Variants in TMEM163 observed in about 807,000 individuals in gnomAD.
TMEM163 encodes transmembrane protein 163.
A neutral mutation model predicts 29.3 loss-of-function variants in TMEM163; 17 were observed. The ratio of observed to expected loss-of-function variants is 0.58; its 90% CI spans 0.40 to 0.87. The LOEUF (loss-of-function observed/expected upper bound fraction) is 0.87. Ranked by LOEUF, TMEM163 falls within the 40% of genes least tolerant of loss-of-function variation. The pLI is 0.00. For synonymous variants in TMEM163, 157 were observed against 160.6 expected (o/e 0.98, Z 0.17); for missense variants, 303 against 381.5 (o/e 0.79, Z 1.71).
At chr2:134,688,226 G>C (rs1196311966) in intron 2 of TMEM163, among the ~76,000 whole-genome samples, 3 of 152,058 alleles carry the variant, frequency 2.0e-5, no homozygotes, top group African/African-American at 7.2e-5. Flanking sequence ...ATGTGCCTCG[G>C]CCCGAGCTGC....
intron 2 of TMEM163, among the ~76,000 whole-genome samples, chr2:134,656,222 C>T (rs565347633): frequency 1.1e-4 from 17 of 149,258 alleles, no homozygotes; most frequent in African/African-American, 3.1e-4. Context: ...TAGGACCCTC[C>T]GAGCCAGGTG....
At chr2:134,457,364 TC>T (rs2106470585) in intron 7 of TMEM163, among the ~76,000 whole-genome samples, 1 of 152,310 alleles carries the variant, frequency 6.6e-6, no homozygotes, top group East Asian at 1.9e-4. Context: ...CATCGTCCAT[TC>T]CCACAGCCAT....
intron 5 of TMEM163, chr2:134,467,452 GA>G (rs1180152557): frequency 1.3e-5 from 2 of 152,220 alleles, no homozygotes; most frequent in African/African-American, 4.8e-5. Context: ...TGTGGCCCCT[GA>G]TACGATGTGA....
chr2:134,478,129 A>G (rs1363580414), intron 5 of TMEM163, among the ~76,000 whole-genome samples: 2 of 152,146 alleles, frequency 1.3e-5, no homozygotes, highest in African/African-American at 4.8e-5. Context: ...ACCTTCTACC[A>G]TGATTGTAAG....
At chr2:134,585,714 C>A (rs549796644) in intron 2 of TMEM163, among the ~76,000 whole-genome samples, 89 of 150,092 alleles carry the variant, frequency 5.9e-4, no homozygotes, top group African/African-American at 2.2e-3. Context: ...TGCACTCCAG[C>A]CTGGGCGACA....
chr2:134,505,967 C>T (rs903173103), intron 4 of TMEM163, among the ~76,000 whole-genome samples: 2 of 152,082 alleles, frequency 1.3e-5, no homozygotes, highest in African/African-American at 2.4e-5. Context: ...CCTGACTGAT[C>T]GTAAGCTCCC....
intron 2 of TMEM163, among the ~76,000 whole-genome samples, chr2:134,615,212 A>G (rs919879716): frequency 1.3e-5 from 2 of 152,228 alleles, no homozygotes; most frequent in African/African-American, 4.8e-5. Context: ...TTGAAGCACT[A>G]AAAAGGATAA....
intron 2 of TMEM163, among the ~76,000 whole-genome samples, chr2:134,695,743 C>G (rs1684564501): frequency 6.6e-6 from 1 of 152,096 alleles, no homozygotes; most frequent in African/African-American, 2.4e-5. Context: ...ACTTCCAGGT[C>G]AAATGGAGAG....
intron 2 of TMEM163, among the ~76,000 whole-genome samples, chr2:134,598,856 G>T (rs1320127217): frequency 6.6e-6 from 1 of 151,574 alleles, no homozygotes; most frequent in African/African-American, 2.4e-5. Context: ...GGAGGTGGGG[G>T]GTTGCAGTGA....
chr2:134,540,860 G>A (rs1052517971), intron 4 of TMEM163, among the ~76,000 whole-genome samples: 2 of 152,222 alleles, frequency 1.3e-5, no homozygotes, highest in African/African-American at 4.8e-5. Context: ...CCATAGTTAA[G>A]TCTTTCCTTC....
At chr2:134,615,035 A>G (rs964132973) in intron 2 of TMEM163, among the ~76,000 whole-genome samples, 4 of 152,198 alleles carry the variant, frequency 2.6e-5, no homozygotes, top group Non-Finnish European at 5.9e-5. Context: ...GCAAAAAAAC[A>G]TTAACATAGA....
At chr2:134,516,729 A>ATATATGAATAGATATATATG (rs1680073970) in intron 4 of TMEM163, among the ~76,000 whole-genome samples, 1 of 120,048 alleles carries the variant, frequency 8.3e-6, no homozygotes, top group Non-Finnish European at 1.7e-5. Flanking sequence ...ATTCATATAT[A>ATATATGAATAGATATATATG]TGCATATATA....
intron 2 of TMEM163, among the ~76,000 whole-genome samples, chr2:134,641,164 A>G (rs1264560110): frequency 6.6e-6 from 1 of 152,266 alleles, no homozygotes; most frequent in African/African-American, 2.4e-5. Flanking sequence ...CACACAAAAT[A>G]AAATGCAGAA....
chr2:134,593,080 C>G (rs41349950), intron 2 of TMEM163, among the ~76,000 whole-genome samples: 2,379 of 152,128 alleles, frequency 0.016, 53 homozygotes, highest in African/African-American at 0.054. Flanking sequence ...TGATCAATAC[C>G]TGGGTTATGT....
At chr2:134,659,743 C>G (rs1338187108) in intron 2 of TMEM163, among the ~76,000 whole-genome samples, 1 of 152,128 alleles carries the variant, frequency 6.6e-6, no homozygotes. Context: ...AGTCTGAGAC[C>G]AGCCTGGGCA....
chr2:134,479,464 C>A (rs1686994384), intron 5 of TMEM163, among the ~76,000 whole-genome samples: 1 of 152,150 alleles, frequency 6.6e-6, no homozygotes, highest in Admixed American at 6.5e-5. Context: ...CTGACGGACC[C>A]CTGGGGTATA....
chr2:134,533,674 G>A (rs1680464923), intron 4 of TMEM163, among the ~76,000 whole-genome samples: 1 of 152,086 alleles, frequency 6.6e-6, no homozygotes, highest in Non-Finnish European at 1.5e-5. Flanking sequence ...AATTATATAA[G>A]CAGATCACAT....
At chr2:134,679,925 C>T (rs943566873) in intron 2 of TMEM163, among the ~76,000 whole-genome samples, 7 of 146,908 alleles carry the variant, frequency 4.8e-5, no homozygotes, top group Admixed American at 1.4e-4. Flanking sequence ...TCCCCAGCAA[C>T]CCTAATGGCT....
At chr2:134,561,585 G>A (rs184646676) in intron 2 of TMEM163, among the ~76,000 whole-genome samples, 26 of 152,246 alleles carry the variant, frequency 1.7e-4, no homozygotes, top group Non-Finnish European at 3.2e-4. Flanking sequence ...TCCTGACCTC[G>A]CGATCCGCCT....
Sources: gnomAD v4.1 joint callset for allele counts (sites outside exome capture counted in the v4.1 genomes callset) on GRCh38, gnomAD v4.1.1 for gene constraint, MANE v1.5 for transcripts, NCBI Gene and HGNC (gene_info 2026-07-23, HGNC 2026-07-21) for gene names.